Variants in PREX2 observed in about 807,000 individuals in gnomAD.
The protein encoded by PREX2 is phosphatidylinositol 3,4,5-trisphosphate-dependent Rac exchanger 2 protein.
In PREX2, 107 loss-of-function variants were observed where a neutral mutation model predicts 203.2. The ratio of observed to expected loss-of-function variants is 0.53; its 90% confidence interval spans 0.45 to 0.62. The LOEUF (loss-of-function observed/expected upper bound fraction) is 0.62, where lower values mean the gene tolerates loss of function less well. Among genes scored for constraint, PREX2 ranks in the 20% least tolerant of loss-of-function variants. The probability of loss-of-function intolerance (pLI) is 0.00; values close to 1 mark genes in which losing one functional copy is unlikely to be tolerated. For missense variants in PREX2, 1,777 were observed against 1,955.9 expected (o/e 0.91, Z 1.72); for synonymous variants, 672 against 663.6 (o/e 1.01, Z -0.19).
At chr8:68,218,587 T>C (rs1415905298) in intron 38 of PREX2, among the ~76,000 whole-genome samples, 1 of 152,260 alleles carries the variant, frequency 6.6e-6, no homozygotes, top group Non-Finnish European at 1.5e-5. Flanking sequence ...ATTTTTAAGA[T>C]ATGCTTTGTA....
At chr8:68,102,205 T>G (rs1170794304) in intron 23 of PREX2, among the ~76,000 whole-genome samples, 1 of 152,186 alleles carries the variant, frequency 6.6e-6, no homozygotes, top group Non-Finnish European at 1.5e-5. Context: ...TCCTGCCTCT[T>G]TCTTCGGGAG....
chr8:68,123,126 G>A (rs2129613163), intron 30 of PREX2, among the ~76,000 whole-genome samples: 1 of 152,178 alleles, frequency 6.6e-6, no homozygotes, highest in Admixed American at 6.5e-5. Flanking sequence ...AACTATTATT[G>A]TGTGGGAGTC....
chr8:68,050,082 A>G (rs998906065), intron 8 of PREX2, among the ~76,000 whole-genome samples: 1 of 152,054 alleles, frequency 6.6e-6, no homozygotes, highest in African/African-American at 2.4e-5. Context: ...ATATGTTTAT[A>G]ATTACTTATT....
At chr8:67,976,939 T>C (rs1806129189) in intron 1 of PREX2, among the ~76,000 whole-genome samples, 1 of 152,248 alleles carries the variant, frequency 6.6e-6, no homozygotes, top group South Asian at 2.1e-4. Context: ...GCAGAATGTC[T>C]AGCTGAACAC....
At chr8:68,048,352 C>T (rs1342828868) in intron 8 of PREX2, among the ~76,000 whole-genome samples, 2 of 152,000 alleles carry the variant, frequency 1.3e-5, no homozygotes, top group African/African-American at 4.8e-5. Context: ...CTCTTATGCA[C>T]TAGTTTATTT....
In PREX2 at chr8:68,080,710, T is replaced by A. The variant is rs747535490; in HGVS notation, c.1786-36T>A. ...GTTTGACTTGTAATTTTTTTCATAG[T>A]TGCTTTATCAATAATGTTAATATTT... is the stretch of plus-strand genomic sequence containing the variant. On this transcript the variant is annotated intron_variant, in intron 16 of 39. Coordinates refer to ENST00000288368, the MANE Select transcript of PREX2 (RefSeq NM_024870.4). 3 of 1,483,466 alleles carry A rather than the reference T, an allele frequency of 2.0e-6. No homozygotes were observed. In the South Asian group the frequency reaches 3.6e-5, roughly 18 times the overall value. 91.9% of individuals were successfully genotyped at this position (1,483,466 alleles called of 1,614,324 possible). A position where few individuals can be genotyped will look rare whatever the true frequency, so the allele number is the denominator to read the frequency against.
chr8:68,092,909 C>T (rs1809925721), intron 20 of PREX2, among the ~76,000 whole-genome samples: 1 of 152,142 alleles, frequency 6.6e-6, no homozygotes, highest in Non-Finnish European at 1.5e-5. Context: ...CCACCTCAGC[C>T]TCCCAAAGTG....
intron 37 of PREX2, among the ~76,000 whole-genome samples, chr8:68,193,965 G>C (rs2129614717): frequency 6.6e-6 from 1 of 152,276 alleles, no homozygotes; most frequent in South Asian, 2.1e-4. Context: ...TTTGTGGTTG[G>C]CAAAATATGC....
At chr8:68,130,114 C>A (rs1479021631) in intron 31 of PREX2, among the ~76,000 whole-genome samples, 1,401 of 101,586 alleles carry the variant, frequency 0.014, no homozygotes, top group Middle Eastern at 0.017. Context: ...CCTGCCTCTG[C>A]AAAAAAAAAA....
intron 1 of PREX2, among the ~76,000 whole-genome samples, chr8:68,008,225 C>T (rs1474367565): frequency 6.6e-6 from 1 of 152,190 alleles, no homozygotes; most frequent in Admixed American, 6.5e-5. Context: ...ATAGTAAATT[C>T]TAAATACTCA....
At chr8:68,015,461 C>A (rs1010016146) in intron 1 of PREX2, among the ~76,000 whole-genome samples, 1 of 152,150 alleles carries the variant, frequency 6.6e-6, no homozygotes, top group African/African-American at 2.4e-5. Context: ...CAGATAAAGA[C>A]ATGGTTTACT....
chr8:68,166,570 G>C (rs10105053), intron 35 of PREX2, among the ~76,000 whole-genome samples: 70,198 of 151,954 alleles, frequency 0.46, 16,596 homozygotes, highest in African/African-American at 0.56. Flanking sequence ...TATGTCTACT[G>C]ACTAAGAAAC....
At chr8:67,976,203 C>A (rs1806080361) in intron 1 of PREX2, among the ~76,000 whole-genome samples, 1 of 152,090 alleles carries the variant, frequency 6.6e-6, no homozygotes, top group Non-Finnish European at 1.5e-5. Flanking sequence ...CAATGTCTCC[C>A]AAGACTAGGT....
chr8:68,094,365 A>G (rs556711192), intron 21 of PREX2, among the ~76,000 whole-genome samples: 1 of 152,346 alleles, frequency 6.6e-6, no homozygotes, highest in South Asian at 2.1e-4. Flanking sequence ...TGAGAGAGAA[A>G]CAGAGAGAGA....
chr8:68,059,104 A>G (rs776678056), intron 10 of PREX2, among the ~76,000 whole-genome samples: 5 of 152,204 alleles, frequency 3.3e-5, no homozygotes, highest in African/African-American at 4.8e-5. Context: ...TTTGAAATTA[A>G]TGAAGAAATA....
intron 23 of PREX2, chr8:68,105,257 G>C (rs1258831947): frequency 7.3e-7 from 1 of 1,367,682 alleles, no homozygotes; most frequent in Non-Finnish European, 9.8e-7. Flanking sequence ...AGTTCCTCCT[G>C]CTGCCTCCTC....
intron 23 of PREX2, 113 bp from the exon 24 acceptor site, chr8:68,107,996 G>A (rs558462422): frequency 3.0e-6 from 2 of 656,364 alleles, no homozygotes; most frequent in South Asian, 2.1e-5. Flanking sequence ...ACTCATTCCA[G>A]TTGACATGAT....
rs61753703 is a variant in PREX2, at chr8:68,146,301, C to T, written c.4180C>T (p.Arg1394Trp). ...TTATCATTTTGAACAACTTCCTCAACGGCTGAAAAATGGAGGAGGGTTTAA... is the reference window on the plus strand; with the variant it reads ...TTATCATTTTGAACAACTTCCTCAATGGCTGAAAAATGGAGGAGGGTTTAA... ...DSYHFEQLPQ[R>W]LKNGGGFKIH... The change falls in exon 34 of 40, where the codon CGG becomes TGG. Residue 1394 changes from arginine to tryptophan, a missense_variant. Arg to Trp is a moderately radical substitution (Grantham distance 101). Transcript: ENST00000288368. 6.6e-3 allele frequency: 10,626 copies of T among 1,612,668 alleles called. 56 individuals are homozygous for T. Among genetic ancestry groups the T allele is most frequent in the East Asian group, 0.025 (1,127 of 44,700 alleles).
intron 1 of PREX2, among the ~76,000 whole-genome samples, chr8:67,999,536 A>G (rs563832531): frequency 6.6e-6 from 1 of 151,442 alleles, no homozygotes; most frequent in Non-Finnish European, 1.5e-5. Flanking sequence ...TCTACTAGAC[A>G]TACAAAGAAG....
Sources: gnomAD v4.1 joint callset for allele counts (sites outside exome capture counted in the v4.1 genomes callset) on GRCh38, gnomAD v4.1.1 for gene constraint, MANE v1.5 for transcripts, NCBI Gene and HGNC (gene_info 2026-07-23, HGNC 2026-07-21) for gene names.